Variants in AGBL4 observed in about 807,000 individuals in gnomAD.
AGBL4 encodes the protein AGBL carboxypeptidase 4, also known as cytosolic carboxypeptidase 6.
AGBL4 carries 58 observed loss-of-function variants against 66.4 expected under a neutral mutation model. That is an observed-to-expected ratio of 0.87 (90% CI 0.71 to 1.09). The LOEUF (loss-of-function observed/expected upper bound fraction) is 1.09, where lower values mean the gene tolerates loss of function less well. Among genes scored for constraint, AGBL4 ranks in the 50% least tolerant of loss-of-function variants. The pLI, the probability that AGBL4 is intolerant of heterozygous loss-of-function variation, is 0.00. For synonymous variants in AGBL4, 234 were observed against 222.9 expected (o/e 1.05, Z -0.44); for missense variants, 579 against 631.0 (o/e 0.92, Z 0.88).
intron 1 of AGBL4, among the ~76,000 whole-genome samples, chr1:49,996,626 T>C (rs1572031915): frequency 6.6e-6 from 1 of 152,138 alleles, no homozygotes; most frequent in Non-Finnish European, 1.5e-5. Context: ...TCTAAAAGTT[T>C]GGAAAATATA....
At chr1:49,840,495 G>A (rs988437988) in intron 2 of AGBL4, among the ~76,000 whole-genome samples, 6 of 152,130 alleles carry the variant, frequency 3.9e-5, no homozygotes, top group Non-Finnish European at 7.4e-5. Flanking sequence ...CTGAGAAGGA[G>A]GGACTCCTCC....
At chr1:49,262,023 G>T (rs1653226622) in intron 3 of AGBL4, among the ~76,000 whole-genome samples, 2 of 151,832 alleles carry the variant, frequency 1.3e-5, no homozygotes, top group African/African-American at 4.8e-5. Flanking sequence ...ACAACTGTCT[G>T]ATCTTTGACA....
chr1:49,614,319 T>A (rs1417646162), intron 3 of AGBL4, among the ~76,000 whole-genome samples: 3 of 152,162 alleles, frequency 2.0e-5, no homozygotes, highest in Non-Finnish European at 4.4e-5. Context: ...ATACTCTTTT[T>A]TTCTGGCCCC....
chr1:49,169,121 A>G (rs1343270925), intron 4 of AGBL4, among the ~76,000 whole-genome samples: 2 of 152,178 alleles, frequency 1.3e-5, no homozygotes, highest in African/African-American at 2.4e-5. Flanking sequence ...CCGTATTAGC[A>G]TAAGTTTTTG....
At chr1:49,266,390 T>C (rs1201922942) in intron 3 of AGBL4, 2 of 151,854 alleles carry the variant, frequency 1.3e-5, no homozygotes, top group Non-Finnish European at 2.9e-5. Context: ...TCCACCAAGA[T>C]ACAGACAAAA....
intron 6 of AGBL4, chr1:48,727,803 G>A: frequency 3.7e-6 from 5 of 1,348,334 alleles, no homozygotes; most frequent in Non-Finnish European, 4.2e-6. Flanking sequence ...CATGCACGGT[G>A]GGGTCTGATT....
chr1:48,996,839 C>CTTCCTTCCTTCCTTCCTTCCTTCCTTCCT (rs202198002), intron 5 of AGBL4, among the ~76,000 whole-genome samples: 1 of 151,732 alleles, frequency 6.6e-6, no homozygotes, highest in African/African-American at 2.4e-5. Flanking sequence ...TCCTTCCTTC[C>CTTCCTTCCTTCCTTCCTTCCTTCCTTCCT]TTCCTTCCTT....
At chr1:48,868,434 T>C (rs1174710241) in intron 5 of AGBL4, among the ~76,000 whole-genome samples, 7 of 152,310 alleles carry the variant, frequency 4.6e-5, no homozygotes, top group Admixed American at 4.6e-4. Flanking sequence ...CTGGCAATTG[T>C]ACAGGAGAGA....
intron 2 of AGBL4, among the ~76,000 whole-genome samples, chr1:49,791,642 A>G (rs760531757): frequency 5.9e-5 from 9 of 152,012 alleles, no homozygotes; most frequent in Non-Finnish European, 1.0e-4. Flanking sequence ...TAAAACAAAC[A>G]TATCCTACAT....
intron 3 of AGBL4, among the ~76,000 whole-genome samples, chr1:49,249,052 C>G (rs1651852131): frequency 6.6e-6 from 1 of 152,106 alleles, no homozygotes; most frequent in African/African-American, 2.4e-5. Flanking sequence ...AGCTCCATTC[C>G]AGGTATAGGC....
intron 3 of AGBL4, among the ~76,000 whole-genome samples, chr1:49,435,098 A>G (rs1462883435): frequency 1.3e-5 from 2 of 152,144 alleles, no homozygotes; most frequent in East Asian, 3.8e-4. Flanking sequence ...CATCTTACCG[A>G]ACCTTATATT....
At chr1:49,043,944 A>G (rs892092124) in intron 5 of AGBL4, among the ~76,000 whole-genome samples, 2 of 152,184 alleles carry the variant, frequency 1.3e-5, no homozygotes, top group Non-Finnish European at 2.9e-5. Context: ...CCATTTAACT[A>G]GCAACACATA....
intron 3 of AGBL4, among the ~76,000 whole-genome samples, chr1:49,340,331 T>A (rs1645514552): frequency 6.6e-6 from 1 of 152,072 alleles, no homozygotes; most frequent in Non-Finnish European, 1.5e-5. Flanking sequence ...TGAGAGCCTC[T>A]AACCAGTAGA....
At chr1:48,776,438 C>T (rs1250750732) in intron 6 of AGBL4, among the ~76,000 whole-genome samples, 1 of 152,184 alleles carries the variant, frequency 6.6e-6, no homozygotes, top group African/African-American at 2.4e-5. Context: ...ACTGGCCTGG[C>T]CTCTTAGAGA....
At chr1:49,884,019 T>G (rs1488484172) in intron 1 of AGBL4, among the ~76,000 whole-genome samples, 1 of 152,048 alleles carries the variant, frequency 6.6e-6, no homozygotes, top group African/African-American at 2.4e-5. Flanking sequence ...GGCAGAGTTA[T>G]TGTTGCTATG....
chr1:49,407,102 A>T (rs1645220108), intron 3 of AGBL4, among the ~76,000 whole-genome samples: 3 of 149,870 alleles, frequency 2.0e-5, no homozygotes, highest in East Asian at 3.9e-4. Flanking sequence ...GAAAGGACAA[A>T]TTTTTTTCTT....
intron 3 of AGBL4, among the ~76,000 whole-genome samples, chr1:49,528,331 C>T (rs1246975028): frequency 1.3e-5 from 2 of 151,864 alleles, no homozygotes; most frequent in Non-Finnish European, 2.9e-5. Context: ...TCAACTTAAA[C>T]TAGCTTGAGT....
chr1:48,901,761 G>C (rs1652103810), intron 5 of AGBL4, among the ~76,000 whole-genome samples: 1 of 152,156 alleles, frequency 6.6e-6, no homozygotes, highest in Non-Finnish European at 1.5e-5. Flanking sequence ...ATAGGGGAGG[G>C]AGTGAGAAGA....
chr1:48,840,012 C>T (rs1189820948), intron 6 of AGBL4, among the ~76,000 whole-genome samples: 1 of 152,144 alleles, frequency 6.6e-6, no homozygotes, highest in Non-Finnish European at 1.5e-5. Context: ...GCTTTCACTC[C>T]TGCTGAGGGT....
Sources: gnomAD v4.1 joint callset for allele counts (sites outside exome capture counted in the v4.1 genomes callset) on GRCh38, gnomAD v4.1.1 for gene constraint, MANE v1.5 for transcripts, NCBI Gene and HGNC (gene_info 2026-07-23, HGNC 2026-07-21) for gene names.